The following GRM7 variants were observed in gnomAD, a reference collection of about 807,000 sequenced individuals.
GRM7 encodes the protein glutamate metabotropic receptor 7.
Under a neutral mutation model 84.5 loss-of-function variants are expected in GRM7, and 35 were observed. The observed-to-expected ratio is 0.41, with a 90% CI of 0.32 to 0.55. GRM7 has a LOEUF of 0.55. Among genes scored for constraint, GRM7 ranks in the 20% least tolerant of loss-of-function variants. The pLI is 0.19. For missense variants in GRM7, 1,003 were observed against 1,194.6 expected, an observed-to-expected ratio of 0.84 and a Z score of 2.36; for synonymous variants, 487 against 455.1, an observed-to-expected ratio of 1.07 and a Z score of -0.89.
At position 7,437,516 on chromosome 3, in the gene GRM7, G is replaced by A. The variant is rs186550720; in HGVS notation, c.1175-15091G>A. Among the ~76,000 whole-genome samples the A allele has an allele frequency of 9.9e-5, 15 of 152,164 alleles. No homozygotes were observed. The East Asian group carries it at 2.9e-3, about 29-fold the overall frequency. On this transcript the variant is annotated intron_variant, in intron 5 of 9. Coordinates refer to ENST00000357716, the MANE Select transcript of GRM7 (RefSeq NM_000844.4). ...TTAGATAGTACTAACTAGAGTTATTGCCTCCAGTCCTAGACCCTAAATTAA... is the reference window on the plus strand; with the variant it reads ...TTAGATAGTACTAACTAGAGTTATTACCTCCAGTCCTAGACCCTAAATTAA...
At chr3:7,170,879 T>C (rs2125088000) in intron 2 of GRM7, among the ~76,000 whole-genome samples, 1 of 152,322 alleles carries the variant, frequency 6.6e-6, no homozygotes, top group South Asian at 2.1e-4. Flanking sequence ...CATCTTGCCA[T>C]TCATTTCCTC....
At chr3:6,984,260 A>G (rs1442735203) in intron 1 of GRM7, among the ~76,000 whole-genome samples, 3 of 152,172 alleles carry the variant, frequency 2.0e-5, no homozygotes, top group Non-Finnish European at 4.4e-5. Context: ...TGAATGTTGT[A>G]TATTATTATT....
At chr3:7,460,099 T>TAAAAAAAAAAA (rs71066013) in intron 6 of GRM7, among the ~76,000 whole-genome samples, 37 of 49,542 alleles carry the variant, frequency 7.5e-4, no homozygotes, top group African/African-American at 2.5e-3. Context: ...CTTAAAATAG[T>TAAAAAAAAAAA]AAAAAAAAAA....
At chr3:7,658,227 C>CA (rs1207819204) in intron 8 of GRM7, among the ~76,000 whole-genome samples, 12 of 152,120 alleles carry the variant, frequency 7.9e-5, no homozygotes, top group Admixed American at 2.0e-4. Flanking sequence ...TTTTATAAGA[C>CA]AAATTCAATA....
At chr3:7,264,674 G>C (rs1237735998) in intron 2 of GRM7, among the ~76,000 whole-genome samples, 2 of 152,114 alleles carry the variant, frequency 1.3e-5, no homozygotes, top group Non-Finnish European at 2.9e-5. Context: ...CCACTCCCTT[G>C]GTGCCAGATG....
At chr3:7,159,040 G>A (rs370939368) in intron 2 of GRM7, among the ~76,000 whole-genome samples, 24 of 152,228 alleles carry the variant, frequency 1.6e-4, no homozygotes, top group African/African-American at 5.5e-4. Context: ...TAAAATTGAA[G>A]CTTACACTAA....
chr3:7,117,437 A>G (rs1433846257), intron 1 of GRM7, among the ~76,000 whole-genome samples: 1 of 152,178 alleles, frequency 6.6e-6, no homozygotes, highest in Non-Finnish European at 1.5e-5. Context: ...ACCCACGTGT[A>G]TCTCTGAAAC....
At chr3:6,923,319 C>T (rs78166694) in intron 1 of GRM7, among the ~76,000 whole-genome samples, 18,846 of 106,056 alleles carry the variant, frequency 0.18, 2,418 homozygotes, top group African/African-American at 0.42. Context: ...CCAGCCCACA[C>T]GAACATGAAA....
At chr3:7,294,901 A>G (rs946107252) in intron 2 of GRM7, among the ~76,000 whole-genome samples, 1 of 152,200 alleles carries the variant, frequency 6.6e-6, no homozygotes, top group Non-Finnish European at 1.5e-5. Context: ...AGAGTTATTT[A>G]TATATACTGG....
chr3:6,920,568 A>C (rs1697090623), intron 1 of GRM7, among the ~76,000 whole-genome samples: 1 of 152,176 alleles, frequency 6.6e-6, no homozygotes, highest in South Asian at 2.1e-4. Context: ...AAAAAAAAAA[A>C]AATGATGATT....
chr3:7,551,266 A>T (rs35007266), intron 7 of GRM7, among the ~76,000 whole-genome samples: 2 of 152,098 alleles, frequency 1.3e-5, no homozygotes, highest in Non-Finnish European at 2.9e-5. Context: ...AGAGTTTTGC[A>T]TACAGACCCC....
chr3:7,277,190 ACTTTATC>A, intron 2 of GRM7, among the ~76,000 whole-genome samples: 1 of 152,178 alleles, frequency 6.6e-6, no homozygotes, highest in Non-Finnish European at 1.5e-5. Context: ...TCTCACAAAG[ACTTTATC>A]CTTTCACACT....
At chr3:7,388,852 G>A (rs1361652857) in intron 4 of GRM7, among the ~76,000 whole-genome samples, 3 of 151,870 alleles carry the variant, frequency 2.0e-5, no homozygotes, top group African/African-American at 7.2e-5. Flanking sequence ...TCATTTTATT[G>A]ATCCTTTGTA....
chr3:7,431,626 C>T (rs1696833730), intron 5 of GRM7, among the ~76,000 whole-genome samples: 1 of 152,154 alleles, frequency 6.6e-6, no homozygotes, highest in Admixed American at 6.5e-5. Flanking sequence ...AATCAAGTCT[C>T]AGTTTTCTTG....
chr3:7,372,589 C>A (rs1405026653), intron 4 of GRM7, among the ~76,000 whole-genome samples: 1 of 152,144 alleles, frequency 6.6e-6, no homozygotes, highest in African/African-American at 2.4e-5. Context: ...AACCTCTGAT[C>A]TTATTTATAG....
At chr3:7,587,867 C>T (rs574045179) in intron 8 of GRM7, among the ~76,000 whole-genome samples, 24 of 152,264 alleles carry the variant, frequency 1.6e-4, no homozygotes, top group African/African-American at 5.8e-4. Flanking sequence ...AGCTGGCAGT[C>T]ACCTATGGTA....
chr3:7,698,314 A>G (rs1701098223), intron 9 of GRM7, among the ~76,000 whole-genome samples: 1 of 152,214 alleles, frequency 6.6e-6, no homozygotes, highest in African/African-American at 2.4e-5. Context: ...GCTGTGTGGC[A>G]CATATTGGGT....
At chr3:7,040,930 A>G (rs1015026199) in intron 1 of GRM7, among the ~76,000 whole-genome samples, 1 of 151,824 alleles carries the variant, frequency 6.6e-6, no homozygotes, top group African/African-American at 2.4e-5. Context: ...AAAAACAAAC[A>G]AAATTTCCTA....
intron 1 of GRM7, among the ~76,000 whole-genome samples, chr3:7,023,092 A>G (rs1575141540): frequency 1.3e-5 from 2 of 152,228 alleles, no homozygotes; most frequent in East Asian, 3.9e-4. Context: ...GGAGTCGCAC[A>G]GGAACAAAAG....
Sources: gnomAD v4.1 joint callset for allele counts (sites outside exome capture counted in the v4.1 genomes callset) on GRCh38, gnomAD v4.1.1 for gene constraint, MANE v1.5 for transcripts, NCBI Gene and HGNC (gene_info 2026-07-23, HGNC 2026-07-21) for gene names.